The following TAF1B variants were observed in gnomAD, a reference collection of about 807,000 sequenced individuals.
The protein encoded by TAF1B is TATA box-binding protein-associated factor RNA polymerase I subunit B.
A neutral mutation model predicts 83.9 loss-of-function variants in TAF1B; 61 were observed. That is an observed-to-expected ratio of 0.73 (90% CI 0.59 to 0.90). The LOEUF is 0.90. Ranked by LOEUF, TAF1B falls within the 40% of genes least tolerant of loss-of-function variation. The pLI, the probability that TAF1B is intolerant of heterozygous loss-of-function variation, is 0.00. For missense variants in TAF1B, 625 were observed against 677.0 expected (o/e 0.92, Z 0.85); for synonymous variants, 221 against 224.6 (o/e 0.98, Z 0.14).
chr2:9,864,823 A>G (rs533430311), intron 5 of TAF1B, among the ~76,000 whole-genome samples: 7 of 152,270 alleles, frequency 4.6e-5, no homozygotes, highest in African/African-American at 1.7e-4. Flanking sequence ...ATATAAACAG[A>G]ACCAAAGACA....
intron 8 of TAF1B, among the ~76,000 whole-genome samples, chr2:9,901,034 A>T (rs1665164356): frequency 6.6e-6 from 1 of 152,124 alleles, no homozygotes; most frequent in Admixed American, 6.5e-5. Flanking sequence ...ATATTTCCTA[A>T]ATTTTCTATA....
intron 14 of TAF1B, among the ~76,000 whole-genome samples, chr2:9,921,736 T>A (rs1398056546): frequency 6.6e-6 from 1 of 152,228 alleles, no homozygotes; most frequent in African/African-American, 2.4e-5. Flanking sequence ...TAAAATTCTT[T>A]CAACTTTGCT....
intron 9 of TAF1B, among the ~76,000 whole-genome samples, chr2:9,910,174 C>T (rs1000589114): frequency 1.3e-5 from 2 of 152,172 alleles, no homozygotes; most frequent in African/African-American, 4.8e-5. Flanking sequence ...CTAAGTGACT[C>T]TGATCCAAGA....
chr2:9,866,722 G>A (rs1380593584), intron 5 of TAF1B, among the ~76,000 whole-genome samples: 1 of 152,180 alleles, frequency 6.6e-6, no homozygotes, highest in African/African-American at 2.4e-5. Flanking sequence ...TTAAGAAAAT[G>A]TGGCACATAC....
At chr2:9,926,055 G>A (rs10803708) in intron 14 of TAF1B, among the ~76,000 whole-genome samples, 69,129 of 151,508 alleles carry the variant, frequency 0.46, 18,267 homozygotes, top group Non-Finnish European at 0.6. Flanking sequence ...AGAACCCCCC[G>A]TCTCTGTCAC....
At chr2:9,878,672 A>G (rs569663562) in intron 7 of TAF1B, among the ~76,000 whole-genome samples, 1 of 152,312 alleles carries the variant, frequency 6.6e-6, no homozygotes, top group South Asian at 2.1e-4. Context: ...ATTTGTATTG[A>G]ATATCTACTA....
intron 2 of TAF1B, among the ~76,000 whole-genome samples, chr2:9,848,653 C>T (rs1486144617): frequency 1.4e-5 from 2 of 146,620 alleles, no homozygotes; most frequent in African/African-American, 2.5e-5. Flanking sequence ...GCGACGAGAG[C>T]GAAACTCCCT....
At chr2:9,853,746 C>T (rs2125136717) in intron 4 of TAF1B, among the ~76,000 whole-genome samples, 1 of 152,238 alleles carries the variant, frequency 6.6e-6, no homozygotes, top group Middle Eastern at 3.4e-3. Flanking sequence ...CAGTAGTGAG[C>T]CACCGTGCCC....
intron 5 of TAF1B, among the ~76,000 whole-genome samples, chr2:9,855,365 A>G (rs1479136306): frequency 6.6e-6 from 1 of 152,164 alleles, no homozygotes; most frequent in South Asian, 2.1e-4. Context: ...AACCCATTGT[A>G]AGCTGAAACT....
rs3214586 is a variant in TAF1B, at chr2:9,845,212, TC to T, written c.19-5del. ...TGGGAACACCTTTTCTGTCCTCTTC[TC>T]CCATAGGAAGAGTTTAAAGAACGCT... On this transcript the variant is annotated splice_region_variant and splice_polypyrimidine_tract_variant and intron_variant, in intron 1 of 14. Coordinates refer to ENST00000263663, the MANE Select transcript of TAF1B (RefSeq NM_005680.3). 0.16 allele frequency: 261,190 copies of T among 1,609,992 alleles called. 22,123 individuals are homozygous for T. The highest frequency in any genetic ancestry group is 0.25 in the East Asian group (11,188 of 44,788).
intron 2 of TAF1B, chr2:9,846,216 A>T: frequency 2.3e-6 from 1 of 430,290 alleles, no homozygotes. Context: ...TGTTCATTTT[A>T]CCCATCACAC....
At chr2:9,847,852 CTT>C (rs75458885) in intron 2 of TAF1B, among the ~76,000 whole-genome samples, 34,526 of 152,028 alleles carry the variant, frequency 0.23, 4,752 homozygotes, top group East Asian at 0.31. Flanking sequence ...ACATTTGTCT[CTT>C]TTTTCCTGTG....
Position 9,919,651 on chromosome 2 carries a change from A to G in TAF1B, c.1396A>G (p.Thr466Ala), listed in dbSNP as rs1395980975. ...QFSTLVESTA[T>A]AGKKSPSSFQ... ...TAGCACACTGGTCGAGTCAACAGCAACTGCTGGAAAAAAAAGCCCTTCAAG... is the reference window on the plus strand; with the variant it reads ...TAGCACACTGGTCGAGTCAACAGCAGCTGCTGGAAAAAAAAGCCCTTCAAG... Residue 466 changes from threonine (T) to alanine (A), a missense_variant, in exon 14 of 15, where the codon ACT (threonine) becomes GCT (alanine). Transcript: ENST00000263663. 3 of 1,614,024 alleles carry G rather than the reference A, an allele frequency of 1.9e-6. No individual in the cohort carries two copies. The East Asian group carries it at 6.7e-5, about 36-fold the overall frequency.
At chr2:9,900,673 C>T (rs1001444733) in intron 8 of TAF1B, among the ~76,000 whole-genome samples, 1 of 152,064 alleles carries the variant, frequency 6.6e-6, no homozygotes, top group African/African-American at 2.4e-5. Flanking sequence ...GAAAGACTAT[C>T]ACTGAAGACC....
rs993624053 is a variant in TAF1B, at chr2:9,914,709, T to A, written c.1271+1460T>A. Reference sequence around the variant, plus strand: ...TAAGTCTGGTTATAAAATGGCACTTTCCAGGGAGGTACCGGGCCCCAAGGT... The same window carrying A: ...TAAGTCTGGTTATAAAATGGCACTTACCAGGGAGGTACCGGGCCCCAAGGT... On this transcript the variant is annotated intron_variant, in intron 12 of 14. Transcript: ENST00000263663. The surrounding 1 kb of genome is among the most constrained non-coding windows in gnomAD (Gnocchi z 4.3). Among the ~76,000 whole-genome samples the A allele has an allele frequency of 3.3e-5, 5 of 152,218 alleles. No homozygotes were observed. The highest frequency in any genetic ancestry group is 9.6e-5 in the African/African-American group (4 of 41,458).
chr2:9,877,326 G>C (rs1273767041), intron 7 of TAF1B, among the ~76,000 whole-genome samples: 2 of 152,176 alleles, frequency 1.3e-5, no homozygotes, highest in Non-Finnish European at 2.9e-5. Context: ...TTCATCATCT[G>C]TCTCCTTGAT....
chr2:9,867,708 A>G (rs1664033635), intron 5 of TAF1B, among the ~76,000 whole-genome samples: 1 of 152,134 alleles, frequency 6.6e-6, no homozygotes. Flanking sequence ...TCAACAGTAC[A>G]TGTGTGAACA....
At chr2:9,896,859 A>G (rs908765078) in intron 8 of TAF1B, among the ~76,000 whole-genome samples, 3 of 152,148 alleles carry the variant, frequency 2.0e-5, no homozygotes, top group Non-Finnish European at 4.4e-5. Flanking sequence ...TCCTGACTTA[A>G]GAGCAGAGCA....
At position 9,919,770 on chromosome 2, in the gene TAF1B, GCTGA is replaced by G. The variant is rs1490710618; in HGVS notation, c.1518_1521del (p.Thr507ArgfsTer20). The G allele has an allele frequency of 6.2e-7, 1 of 1,614,032 alleles. No individual in the cohort carries two copies. Among genetic ancestry groups the G allele is most frequent in the Non-Finnish European group, 8.5e-7 (1 of 1,180,018 alleles). On this transcript the variant is annotated frameshift_variant, in exon 14 of 15. Transcript: ENST00000263663. LOFTEE classifies it high-confidence loss of function. ...TCCTGAAAGAGAAAGGCCAATCACT[GCTGA>G]CTAAGAATTCATTATATTGGCTTAG...
Sources: allele counts gnomAD v4.1 joint callset (sites outside exome capture counted in the v4.1 genomes callset), GRCh38; gene constraint gnomAD v4.1.1; non-coding constraint Gnocchi (gnomAD v3.1); transcripts MANE v1.5; gene names NCBI Gene and HGNC (gene_info 2026-07-23, HGNC 2026-07-21).